RPIA: variants seen among roughly 807,000 people sequenced by gnomAD.
The protein encoded by RPIA is ribose-5-phosphate isomerase.
In RPIA, 29 loss-of-function variants were observed where a neutral mutation model predicts 37.8. The ratio of observed to expected loss-of-function variants is 0.77; its 90% CI spans 0.57 to 1.05. RPIA has a LOEUF of 1.05. Ranked by LOEUF, RPIA falls within the 50% of genes least tolerant of loss-of-function variation. The probability of loss-of-function intolerance (pLI) is 0.00; values close to 1 mark genes in which losing one functional copy is unlikely to be tolerated. For synonymous variants in RPIA, 167 were observed against 157.0 expected (o/e 1.06, Z -0.48); for missense variants, 385 against 413.6 (o/e 0.93, Z 0.60).
intron 3 of RPIA, among the ~76,000 whole-genome samples, chr2:88,714,735 T>C (rs140758352): frequency 4.9e-4 from 74 of 152,336 alleles, no homozygotes; most frequent in African/African-American, 1.8e-3. Context: ...CTTTTAATTC[T>C]CTTGTTTTCA....
At chr2:88,747,220 A>C (rs1573481550) in intron 8 of RPIA, among the ~76,000 whole-genome samples, 1 of 152,044 alleles carries the variant, frequency 6.6e-6, no homozygotes, top group Non-Finnish European at 1.5e-5. Context: ...ACAGGCTGCC[A>C]GGGAAGTAGG....
chr2:88,709,884 T>C (rs911181055), intron 3 of RPIA, among the ~76,000 whole-genome samples: 7 of 151,570 alleles, frequency 4.6e-5, no homozygotes, highest in Admixed American at 3.9e-4. Context: ...TAGCCCCCCT[T>C]TTTTTTCTGG....
chr2:88,718,363 T>A (rs1673061532), intron 3 of RPIA, among the ~76,000 whole-genome samples: 1 of 152,222 alleles, frequency 6.6e-6, no homozygotes, highest in Non-Finnish European at 1.5e-5. Context: ...ACACAGGCTT[T>A]TAAATTGGCT....
intron 8 of RPIA, among the ~76,000 whole-genome samples, chr2:88,744,505 A>G (rs1476490671): frequency 6.6e-6 from 1 of 152,188 alleles, no homozygotes; most frequent in Non-Finnish European, 1.5e-5. Context: ...ATATCTGTTA[A>G]GTCCATTTGC....
chr2:88,717,357 C>T (rs796662643), intron 3 of RPIA, among the ~76,000 whole-genome samples: 17 of 152,162 alleles, frequency 1.1e-4, no homozygotes, highest in African/African-American at 3.9e-4. Context: ...GGTTTTATAC[C>T]TTTTAGGGAG....
intron 5 of RPIA, 118 bp from the exon 6 acceptor site, chr2:88,735,551 A>G (rs1673304723): frequency 8.6e-6 from 8 of 925,548 alleles, no homozygotes; most frequent in African/African-American, 1.6e-5. Context: ...TAAAAATTAA[A>G]AGTTAAGTTT....
intron 5 of RPIA, 139 bp downstream of exon 5, chr2:88,734,755 C>A: frequency 1.1e-6 from 1 of 898,566 alleles, no homozygotes. Flanking sequence ...TAGCATATGG[C>A]CTTAGACCCA....
intron 3 of RPIA, among the ~76,000 whole-genome samples, chr2:88,720,099 A>G (rs2104108727): frequency 6.6e-6 from 1 of 152,216 alleles, no homozygotes; most frequent in Admixed American, 6.6e-5. Flanking sequence ...ATGAGGCTTT[A>G]ATTACTGTCA....
chr2:88,735,547 T>C lies in RPIA; in HGVS notation c.528-122T>C, dbSNP rs147160025. ...GGGACTGGGGATGTCCCTTTAAAAATTAAAAGTTAAGTTTCTCTTTAAGTG... is the reference window on the plus strand; with the variant it reads ...GGGACTGGGGATGTCCCTTTAAAAACTAAAAGTTAAGTTTCTCTTTAAGTG... On this transcript the variant is annotated intron_variant, in intron 5 of 8. Coordinates refer to ENST00000283646, the MANE Select transcript of RPIA (RefSeq NM_144563.3). The C allele has an allele frequency of 7.6e-4, 689 of 907,946 alleles. 2 individuals carry two copies. In the African/African-American group the frequency reaches 8.6e-3, roughly 11 times the overall value. 56.2% of individuals were successfully genotyped at this position (907,946 alleles called of 1,614,324 possible).
intron 3 of RPIA, among the ~76,000 whole-genome samples, chr2:88,718,071 C>T (rs945046879): frequency 2.6e-5 from 4 of 151,804 alleles, no homozygotes; most frequent in East Asian, 1.9e-4. Context: ...ACTCCAAATT[C>T]GGAACAGTGG....
chr2:88,740,999 C>T (rs1673375438), intron 8 of RPIA, among the ~76,000 whole-genome samples: 1 of 152,130 alleles, frequency 6.6e-6, no homozygotes, highest in Non-Finnish European at 1.5e-5. Context: ...GGCTTTTCGT[C>T]ACTCGATCAC....
At chr2:88,746,989 G>A (rs1209225132) in intron 8 of RPIA, among the ~76,000 whole-genome samples, 1 of 152,142 alleles carries the variant, frequency 6.6e-6, no homozygotes, top group Non-Finnish European at 1.5e-5. Context: ...GGTTTCTTAG[G>A]TAATGGGCAG....
chr2:88,713,118 A>ATTTTTTT, intron 3 of RPIA, among the ~76,000 whole-genome samples: 1 of 45,322 alleles, frequency 2.2e-5, no homozygotes, highest in Non-Finnish European at 3.9e-5. Context: ...ATATATATAT[A>ATTTTTTT]TATTTTTTTT....
intron 3 of RPIA, among the ~76,000 whole-genome samples, chr2:88,710,908 G>A (rs553096194): frequency 6.6e-6 from 1 of 152,322 alleles, no homozygotes; most frequent in South Asian, 2.1e-4. Flanking sequence ...CCCTGAGCTG[G>A]TCTGCTCTCT....
intron 1 of RPIA, among the ~76,000 whole-genome samples, chr2:88,693,438 T>A (rs1275419844): frequency 1.3e-5 from 2 of 152,210 alleles, no homozygotes. Context: ...CCCTTCAGGG[T>A]TTGGCTTAAA....
intron 3 of RPIA, among the ~76,000 whole-genome samples, chr2:88,705,632 C>T (rs1672888863): frequency 6.6e-6 from 1 of 151,294 alleles, no homozygotes; most frequent in African/African-American, 2.5e-5. Context: ...AAGAAAATAC[C>T]ATTCAGGACA....
chr2:88,722,162 C>A (rs1673141390), intron 3 of RPIA, among the ~76,000 whole-genome samples: 2 of 148,824 alleles, frequency 1.3e-5, no homozygotes, highest in African/African-American at 5.2e-5. Flanking sequence ...ACCAAAAAAA[C>A]CCTTTTTTTT....
intron 3 of RPIA, among the ~76,000 whole-genome samples, chr2:88,720,898 A>G (rs1408468029): frequency 6.6e-6 from 1 of 152,196 alleles, no homozygotes; most frequent in Non-Finnish European, 1.5e-5. Flanking sequence ...TCACTGTACT[A>G]TAAAGACACA....
intron 8 of RPIA, among the ~76,000 whole-genome samples, chr2:88,739,500 G>A (rs1453393979): frequency 6.6e-6 from 1 of 152,172 alleles, no homozygotes; most frequent in Admixed American, 6.5e-5. Context: ...TGAAAGAAAG[G>A]TACTATTGTT....
Sources: allele counts gnomAD v4.1 joint callset (sites outside exome capture counted in the v4.1 genomes callset), GRCh38; gene constraint gnomAD v4.1.1; transcripts MANE v1.5; gene names NCBI Gene and HGNC (gene_info 2026-07-23, HGNC 2026-07-21).